Variants in PHKA1 observed in about 807,000 individuals in gnomAD.
PHKA1 encodes phosphorylase b kinase regulatory subunit alpha, skeletal muscle isoform.
In PHKA1, 60 loss-of-function variants were observed where a neutral mutation model predicts 110.2. The ratio of observed to expected loss-of-function variants is 0.54; its 90% confidence interval spans 0.44 to 0.68. The LOEUF is 0.68. Ranked by LOEUF, PHKA1 falls within the 30% of genes least tolerant of loss-of-function variation. The pLI is 0.00. For synonymous variants in PHKA1, 316 were observed against 333.6 expected, an observed-to-expected ratio of 0.95 and a Z score of 0.58; for missense variants, 801 against 942.5, an observed-to-expected ratio of 0.85 and a Z score of 1.97.
intron 6 of PHKA1, among the ~76,000 whole-genome samples, chrX:72,672,614 C>T (rs189940696): frequency 5.1e-4 from 57 of 111,945 alleles, no homozygotes; most frequent in African/African-American, 1.7e-3. Flanking sequence ...GATCCAGTCA[C>T]GGCTTAAAGG....
intron 10 of PHKA1, among the ~76,000 whole-genome samples, chrX:72,655,419 A>G (rs1425238036): frequency 9.0e-6 from 1 of 111,722 alleles, no homozygotes; most frequent in Non-Finnish European, 1.9e-5. Flanking sequence ...TGTCTTAAAA[A>G]TGACAACAAA....
intron 29 of PHKA1, among the ~76,000 whole-genome samples, chrX:72,588,150 C>T (rs1417830149): frequency 1.8e-5 from 2 of 112,221 alleles, no homozygotes; most frequent in Non-Finnish European, 3.8e-5. Flanking sequence ...CACCACATGG[C>T]ACTTATTCTA....
intron 29 of PHKA1, among the ~76,000 whole-genome samples, chrX:72,589,091 G>C (rs1175991368): frequency 9.0e-6 from 1 of 111,601 alleles, no homozygotes; most frequent in Non-Finnish European, 1.9e-5. Context: ...GCCAGCATCA[G>C]CCTGATACCA....
chrX:72,674,503 C>A (rs2053751609), intron 6 of PHKA1, among the ~76,000 whole-genome samples: 1 of 111,837 alleles, frequency 8.9e-6, no homozygotes, highest in Non-Finnish European at 1.9e-5. Context: ...GCCATTCTAA[C>A]TGGTGTGAGA....
intron 21 of PHKA1, among the ~76,000 whole-genome samples, chrX:72,613,825 G>A (rs1208821467): frequency 8.9e-6 from 1 of 111,799 alleles, no homozygotes; most frequent in African/African-American, 3.3e-5. Flanking sequence ...AAAGAACTTG[G>A]CATTACCTTA....
intron 28 of PHKA1, among the ~76,000 whole-genome samples, chrX:72,600,731 C>A (rs1220068907): frequency 9.0e-6 from 1 of 111,210 alleles, no homozygotes; most frequent in African/African-American, 3.3e-5. Context: ...TGGTGGCATG[C>A]CTTAGTCCCA....
At chrX:72,673,979 C>T (rs1430879397) in intron 6 of PHKA1, among the ~76,000 whole-genome samples, 4 of 83,405 alleles carry the variant, frequency 4.8e-5, no homozygotes, top group Admixed American at 1.4e-4. Flanking sequence ...CAACAGGCCC[C>T]GGTGTGTGAT....
In PHKA1 at chrX:72,582,391, T is replaced by C. The variant is rs1234378255; in HGVS notation, c.3498+7A>G. The stretch of plus-strand genomic sequence containing the variant: ...TTCTCTATTGAGAAAACAACAGGTT[T>C]GCCTACCTGTTCTTGAAGGAACAAG... On this transcript the variant is annotated splice_region_variant and intron_variant, in intron 31 of 31. Coordinates refer to ENST00000373542, the MANE Select transcript of PHKA1 (RefSeq NM_002637.4). 3 of 1,150,563 alleles carry C rather than the reference T, an allele frequency of 2.6e-6. No homozygotes were observed. The African/African-American group carries it at 5.3e-5, about 21-fold the overall frequency. 94.8% of individuals were successfully genotyped at this position (1,150,563 alleles called of 1,213,427 possible). A position where few individuals can be genotyped will look rare whatever the true frequency, so the allele number is the denominator to read the frequency against.
At position 72,666,272 on chromosome X, in the gene PHKA1, C is replaced by T. The variant is rs147219387; in HGVS notation, c.743G>A (p.Arg248His). 6.2e-5 allele frequency: 75 copies of T among 1,207,710 alleles called. 1 individual carries two copies. The South Asian group carries it at 7.1e-4, about 11-fold the overall frequency. ...CQSILNSLLP[R>H]ASTSKEVDAS... ...ATCAACCTCTTTTGATGTTGAAGCA[C>T]GGGGCAGTAGTGAATTTAGGATAGA... The change falls in exon 8 of 32, where the codon CGT becomes CAT. Residue 248 changes from arginine (R) to histidine (H), a missense_variant. By Grantham distance (29) the Arg-to-His change is conservative (BLOSUM62 0). This residue lies in a region of PHKA1 where 299 missense variants were observed against 423.3 expected (regional missense o/e 0.71). Transcript: ENST00000373542.
chrX:72,597,339 C>T (rs908485593), intron 28 of PHKA1, among the ~76,000 whole-genome samples: 10 of 111,652 alleles, frequency 9.0e-5, no homozygotes, highest in African/African-American at 2.0e-4. Flanking sequence ...TTTTGATACA[C>T]GCCAGACAGA....
chrX:72,610,140 T>C (rs1320542823), intron 22 of PHKA1, among the ~76,000 whole-genome samples: 5 of 111,409 alleles, frequency 4.5e-5, no homozygotes, highest in Non-Finnish European at 7.5e-5. Flanking sequence ...AATCTGCTCT[T>C]CTAGTTACTT....
chrX:72,670,245 C>G (rs1235479881), intron 6 of PHKA1, among the ~76,000 whole-genome samples: 10 of 110,875 alleles, frequency 9.0e-5, no homozygotes, highest in East Asian at 5.7e-4. Context: ...TTGTAAATTT[C>G]TTTGAGTTCA....
chrX:72,609,624 G>A lies in PHKA1; in HGVS notation c.2606C>T (p.Ala869Val), dbSNP rs782353305. The part of the protein sequence containing the change: ...PPEPREKTIS[A>V]PLPYEALTQL... ...CCTGACCAAACCCAGCCATACTCAC[G>A]CAGAGATAGTCTTTTCTCGAGGTTC... The change falls in exon 23 of 32, where the codon GCA (alanine) becomes GTA (valine). Residue 869 changes from alanine (A) to valine (V), a missense_variant and splice_region_variant. Ala to Val is a moderately conservative substitution (Grantham distance 64). This residue lies in a region of PHKA1 where 502 missense variants were observed against 519.2 expected (regional missense o/e 0.97). Transcript: ENST00000373542. The A allele has an allele frequency of 3.4e-6, 4 of 1,189,849 alleles. No individual in the cohort carries two copies. Among genetic ancestry groups the A allele is most frequent in the Non-Finnish European group, 3.4e-6 (3 of 875,617 alleles).
intron 8 of PHKA1, chrX:72,660,619 A>G: frequency 2.7e-6 from 1 of 364,457 alleles, no homozygotes; most frequent in Non-Finnish European, 5.2e-6. Flanking sequence ...TTTATACAAA[A>G]GAAGTTGCAA....
intron 6 of PHKA1, among the ~76,000 whole-genome samples, chrX:72,675,269 C>A (rs2147792784): frequency 9.2e-6 from 1 of 109,116 alleles, no homozygotes; most frequent in East Asian, 2.9e-4. Flanking sequence ...GAATAAAATT[C>A]TATTGTGACT....
chrX:72,671,796 A>G (rs1291634897), intron 6 of PHKA1, among the ~76,000 whole-genome samples: 1 of 111,328 alleles, frequency 9.0e-6, no homozygotes, highest in African/African-American at 3.3e-5. Flanking sequence ...ATCTACAACT[A>G]TCTGATCTTT....
At chrX:72,639,673 TC>T (rs1410429299) in intron 14 of PHKA1, among the ~76,000 whole-genome samples, 1 of 112,234 alleles carries the variant, frequency 8.9e-6, no homozygotes, top group Non-Finnish European at 1.9e-5. Flanking sequence ...GCTGAGAGTG[TC>T]CACATCTCCA....
At chrX:72,640,834 G>A (rs1284020875) in intron 14 of PHKA1, among the ~76,000 whole-genome samples, 7 of 111,308 alleles carry the variant, frequency 6.3e-5, no homozygotes, top group African/African-American at 2.3e-4. Flanking sequence ...CTGATAAAAT[G>A]GATGTATCTA....
At chrX:72,591,159 A>G (rs782001246) in intron 29 of PHKA1, among the ~76,000 whole-genome samples, 12 of 112,323 alleles carry the variant, frequency 1.1e-4, no homozygotes, top group African/African-American at 3.9e-4. Flanking sequence ...CTTGGGACCA[A>G]TGCAAATGCC....
Sources: gnomAD v4.1 joint callset for allele counts (sites outside exome capture counted in the v4.1 genomes callset) on GRCh38, gnomAD v4.1.1 for gene constraint, gnomAD v4.1.1 regional missense constraint, MANE v1.5 for transcripts, NCBI Gene and HGNC (gene_info 2026-07-23, HGNC 2026-07-21) for gene names.